SPNS2: variants seen among roughly 807,000 people sequenced by gnomAD.
The protein encoded by SPNS2 is SPNS lysolipid transporter 2, sphingosine-1-phosphate.
SPNS2 carries 37 observed loss-of-function variants against 57.6 expected under a neutral mutation model. The ratio of observed to expected loss-of-function variants is 0.64; its 90% CI spans 0.49 to 0.85. SPNS2 has a LOEUF of 0.85. Among genes scored for constraint, SPNS2 ranks in the 40% least tolerant of loss-of-function variants. SPNS2 has a pLI of 0.00. For missense variants in SPNS2, 831 were observed against 779.1 expected (o/e 1.07, Z -0.79); for synonymous variants, 440 against 346.9 (o/e 1.27, Z -2.98).
intron 2 of SPNS2, among the ~76,000 whole-genome samples, chr17:4,516,361 G>A (rs1259585168): frequency 2.1e-5 from 3 of 146,242 alleles, no homozygotes; most frequent in Admixed American, 6.9e-5. Flanking sequence ...ACCGCTCATA[G>A]GTTTTGCTGT....
At chr17:4,528,180 A>G (rs1236356325) in intron 3 of SPNS2, among the ~76,000 whole-genome samples, 2 of 151,330 alleles carry the variant, frequency 1.3e-5, no homozygotes, top group Non-Finnish European at 1.5e-5. Flanking sequence ...GCGCCACCAC[A>G]CCCAGCTAAT....
At chr17:4,530,941 C>T in intron 4 of SPNS2, 112 bp from the exon 5 acceptor site, 1 of 1,488,168 alleles carries the variant, frequency 6.7e-7, no homozygotes, top group Non-Finnish European at 9.1e-7. Flanking sequence ...GACCTGCTCC[C>T]TGGCCAGCTG....
Position 4,536,121 on chromosome 17 carries a change from A to G in SPNS2, c.1390A>G (p.Ser464Gly). ...TRRATAVALQ[S>G]FTSHLLGDAG... Reference sequence around the variant, plus strand: ...GCGCGCCACTGCCGTGGCCTTGCAGAGCTTCACCTCCCACCTGCTGGGGGA... The same window carrying G: ...GCGCGCCACTGCCGTGGCCTTGCAGGGCTTCACCTCCCACCTGCTGGGGGA... The change falls in exon 10 of 13, where the codon AGC becomes GGC. Residue 464 changes from serine (S) to glycine (G), a missense_variant. This residue lies in a region of SPNS2 where 526 missense variants were observed against 400.9 expected (regional missense o/e 1.31). Transcript: ENST00000329078. The G allele has an allele frequency of 6.2e-7, 1 of 1,612,534 alleles. No individual in the cohort carries two copies. Among genetic ancestry groups the G allele is most frequent in the Non-Finnish European group, 8.5e-7 (1 of 1,179,792 alleles).
intron 3 of SPNS2, among the ~76,000 whole-genome samples, chr17:4,527,252 T>TG (rs1394514159): frequency 1.3e-5 from 2 of 152,184 alleles, no homozygotes; most frequent in African/African-American, 2.4e-5. Flanking sequence ...AAGAACATTG[T>TG]GAAAAAATAA....
chr17:4,536,793 C>T (rs767251795), intron 11 of SPNS2, 107 bp from the exon 12 acceptor site: 23 of 924,762 alleles, frequency 2.5e-5, no homozygotes, highest in Non-Finnish European at 3.0e-5. Context: ...GAGGTCCCTG[C>T]CCAGCACCTC....
At chr17:4,528,497 C>T (rs1018496029) in intron 3 of SPNS2, among the ~76,000 whole-genome samples, 13 of 151,862 alleles carry the variant, frequency 8.6e-5, no homozygotes, top group African/African-American at 3.1e-4. Context: ...GAGTTTCGCT[C>T]TTTCACCCAG....
In SPNS2 at chr17:4,532,991, T is replaced by A; in HGVS notation, c.950T>A (p.Phe317Tyr). The change falls in exon 7 of 13, where the codon TTC becomes TAC. Residue 317 changes from phenylalanine (F) to tyrosine (Y), a missense_variant. Physicochemically the swap from Phe to Tyr is conservative, Grantham distance 22. Around this residue, in one of 2 missense-constraint regions of SPNS2, gnomAD observed 526 missense variants for 400.9 expected, o/e 1.31. Coordinates refer to ENST00000329078, the MANE Select transcript of SPNS2 (RefSeq NM_001124758.3). ...KALIRNRSYV[F>Y]SSLATSAVSF... Reference sequence around the variant, plus strand: ...CCTCTCCCCAGCCGCAGCTACGTCTTCTCCTCCCTGGCCACGTCGGCTGTC... The same window carrying A: ...CCTCTCCCCAGCCGCAGCTACGTCTACTCCTCCCTGGCCACGTCGGCTGTC... 6.2e-7 allele frequency: 1 copy of A among 1,612,508 alleles called. No individual in the cohort carries two copies. The highest frequency in any genetic ancestry group is 1.1e-5 in the South Asian group (1 of 90,964).
intron 5 of SPNS2, among the ~76,000 whole-genome samples, chr17:4,531,596 C>A (rs1026190505): frequency 2.0e-5 from 3 of 152,112 alleles, no homozygotes; most frequent in Admixed American, 6.5e-5. Flanking sequence ...AAACAGAGAT[C>A]CCTCGTCTCT....
chr17:4,524,335 A>G (rs180775057), intron 2 of SPNS2, among the ~76,000 whole-genome samples: 403 of 152,218 alleles, frequency 2.6e-3, no homozygotes, highest in Non-Finnish European at 4.7e-3. Flanking sequence ...CTGTCTCCGC[A>G]TCTGTGAGGT....
rs1489252828 is a variant in SPNS2 at position 4,533,391 on chromosome 17, C to T, written c.1237C>T (p.Leu413=). 31 of 1,609,614 alleles carry T rather than the reference C, an allele frequency of 1.9e-5. No homozygotes were observed. Among genetic ancestry groups the T allele is most frequent in the Non-Finnish European group, 2.4e-5 (28 of 1,178,448 alleles). ...GCTGGGCTCTGCCATCTTCATCTGCCTGATCTTCGTGGCTGCCAAGAGCAG... is the reference window on the plus strand; with the variant it reads ...GCTGGGCTCTGCCATCTTCATCTGCTTGATCTTCGTGGCTGCCAAGAGCAG... ...GMLGSAIFIC[L]IFVAAKSSIV... Residue 413 remains leucine (L), a synonymous_variant, in exon 8 of 13, where the codon CTG becomes TTG. Coordinates refer to ENST00000329078, the MANE Select transcript of SPNS2 (RefSeq NM_001124758.3).
chr17:4,521,761 T>C (rs551669158), intron 2 of SPNS2, among the ~76,000 whole-genome samples: 2 of 152,394 alleles, frequency 1.3e-5, no homozygotes, highest in African/African-American at 4.8e-5. Flanking sequence ...TTATCTGTGG[T>C]CCTATGGTGA....
intron 1 of SPNS2, among the ~76,000 whole-genome samples, chr17:4,505,166 C>T (rs917508529): frequency 2.6e-5 from 4 of 152,206 alleles, no homozygotes; most frequent in Non-Finnish European, 5.9e-5. Flanking sequence ...TGGAGAGTCA[C>T]CATCCCCCTC....
At position 4,512,551 on chromosome 17, in the gene SPNS2, C is replaced by T. The variant is rs181872588; in HGVS notation, c.371-696C>T. 2.0e-5 allele frequency among the ~76,000 whole-genome samples: 3 copies of T among 152,176 alleles called. No homozygotes were observed. The highest frequency in any genetic ancestry group is 3.9e-4 in the East Asian group (2 of 5,158). Reference sequence around the variant, plus strand: ...TCCCAAGAAAACGGGCCTGGAGCCCCGCCTGCTTCCCTCTGTACCCTGGGC... The same window carrying T: ...TCCCAAGAAAACGGGCCTGGAGCCCTGCCTGCTTCCCTCTGTACCCTGGGC... On this transcript the variant is annotated intron_variant, in intron 1 of 12. Transcript: ENST00000329078. The surrounding 1 kb of genome is among the most constrained non-coding windows in gnomAD (Gnocchi z 5.2).
intron 1 of SPNS2, among the ~76,000 whole-genome samples, chr17:4,500,707 T>C (rs183958205): frequency 0.021 from 2,981 of 140,402 alleles, 99 homozygotes; most frequent in African/African-American, 0.076. Context: ...TGCCACCTGG[T>C]GCCTTCTCTG....
At chr17:4,504,990 G>T (rs956551046) in intron 1 of SPNS2, among the ~76,000 whole-genome samples, 7 of 152,200 alleles carry the variant, frequency 4.6e-5, no homozygotes, top group Non-Finnish European at 8.8e-5. Flanking sequence ...AGGACAACCA[G>T]ATCTGCTTCC....
chr17:4,508,996 G>A (rs1035212910), intron 1 of SPNS2, among the ~76,000 whole-genome samples: 4 of 152,198 alleles, frequency 2.6e-5, no homozygotes, highest in South Asian at 2.1e-4. Context: ...GCAGGGGCTG[G>A]AGGCAGGGAG....
Position 4,510,277 on chromosome 17 carries a change from C to G in SPNS2, c.371-2970C>G, listed in dbSNP as rs912162080. ...CTGGAGCTTGGACTTGGACCCAAGA[C>G]TGGGCGCTGGGGAGTGGTGGGACGG... On this transcript the variant is annotated intron_variant, in intron 1 of 12. Transcript: ENST00000329078. This position sits in a 1 kb window ranked among gnomAD's most constrained non-coding sequence, Gnocchi z 4.4. Among the ~76,000 whole-genome samples, 3 of 152,222 alleles carry G rather than the reference C, an allele frequency of 2.0e-5. No homozygotes were observed. The highest frequency in any genetic ancestry group is 3.8e-4 in the East Asian group (2 of 5,198).
chr17:4,523,442 C>T (rs921553878), intron 2 of SPNS2, among the ~76,000 whole-genome samples: 1 of 151,974 alleles, frequency 6.6e-6, no homozygotes, highest in South Asian at 2.1e-4. Context: ...CACTGTCTCA[C>T]AAACAAATAA....
chr17:4,525,078 T>A lies in SPNS2; in HGVS notation c.458T>A (p.Val153Glu). Residue 153 changes from valine (V) to glutamate (E), a missense_variant, in exon 3 of 13, where the codon GTG (valine) becomes GAG (glutamate). Transcript: ENST00000329078. ...GCAGTGTTCATCTGTAGCTTCATGG[T>A]GGCTGCCCCCATCTTCGGCTACCTG... ...LQSVFICSFM[V>E]AAPIFGYLGD... 1 of 1,614,234 alleles carries A rather than the reference T, an allele frequency of 6.2e-7. No homozygotes were observed. The highest frequency in any genetic ancestry group is 8.5e-7 in the Non-Finnish European group (1 of 1,180,028).
Sources: gnomAD v4.1 joint callset for allele counts (sites outside exome capture counted in the v4.1 genomes callset) on GRCh38, gnomAD v4.1.1 for gene constraint, gnomAD v4.1.1 regional missense constraint, Gnocchi (gnomAD v3.1) non-coding constraint, MANE v1.5 for transcripts, NCBI Gene and HGNC (gene_info 2026-07-23, HGNC 2026-07-21) for gene names.